Variants in IQGAP1 observed in about 807,000 individuals in gnomAD.
IQGAP1 encodes the protein ras GTPase-activating-like protein IQGAP1.
A neutral mutation model predicts 215.6 loss-of-function variants in IQGAP1; 66 were observed. The observed-to-expected ratio is 0.31, with a 90% CI of 0.25 to 0.38. The LOEUF (loss-of-function observed/expected upper bound fraction) is 0.38. Ranked by LOEUF, IQGAP1 falls within the 10% of genes least tolerant of loss-of-function variation. The pLI, the probability that IQGAP1 is intolerant of heterozygous loss-of-function variation, is 1.00. For synonymous variants in IQGAP1, 772 were observed against 728.7 expected (o/e 1.06, Z -0.96); for missense variants, 1,712 against 1,997.1 (o/e 0.86, Z 2.72).
intron 15 of IQGAP1, among the ~76,000 whole-genome samples, chr15:90,463,056 G>A (rs1017261045): frequency 1.5e-5 from 2 of 130,068 alleles, no homozygotes; most frequent in African/African-American, 5.6e-5. Flanking sequence ...TTCTTACACT[G>A]GGATGAGGTG....
chr15:90,491,626 G>A (rs1966206159), intron 34 of IQGAP1, 81 bp downstream of exon 34: 1 of 1,130,930 alleles, frequency 8.8e-7, no homozygotes. Flanking sequence ...TCACATAACA[G>A]CATAGCTTCA....
rs2151006648 is a variant in IQGAP1 at position 90,409,803 on chromosome 15, A to G, written c.156-16307A>G. Among the ~76,000 whole-genome samples the G allele has an allele frequency of 2.0e-5, 3 of 152,266 alleles. No individual in the cohort carries two copies. The East Asian group carries it at 5.8e-4, about 29-fold the overall frequency. ...GTTCCTATTTCTCCACATCCTCTCCAGCACCTGTTGTTTCCTGACTTTTTA... is the reference window on the plus strand; with the variant it reads ...GTTCCTATTTCTCCACATCCTCTCCGGCACCTGTTGTTTCCTGACTTTTTA... On this transcript the variant is annotated intron_variant, in intron 2 of 37. Transcript: ENST00000268182.
In IQGAP1 at chr15:90,494,752, C is replaced by G; in HGVS notation, c.4668C>G (p.Ser1556Arg). 6.2e-7 allele frequency: 1 copy of G among 1,608,546 alleles called. No individual in the cohort carries two copies. ...CTAGGGAAATGAAAGGAAAGAAAAG[C>G]AAAAAGATTTCTCTGAAATATACAG... ...KKPREMKGKK[S>R]KKISLKYTAA... is the part of the protein sequence containing the mutation. Residue 1556 changes from serine (S) to arginine (R), a missense_variant, in exon 36 of 38, where the codon AGC (serine) becomes AGG (arginine). Physicochemically the swap from Ser to Arg is moderately radical, Grantham distance 110. This residue lies in a region of IQGAP1 where 691 missense variants were observed against 923.0 expected (regional missense o/e 0.75). Coordinates refer to ENST00000268182, the MANE Select transcript of IQGAP1 (RefSeq NM_003870.4).
At chr15:90,439,240 T>C in intron 5 of IQGAP1, 92 bp from the exon 6 acceptor site, 1 of 845,626 alleles carries the variant, frequency 1.2e-6, no homozygotes, top group Non-Finnish European at 2.0e-6. Context: ...TCAGAATACT[T>C]CTATTTTATA....
chr15:90,444,285 ATATAT>A (rs1239487159), intron 9 of IQGAP1, among the ~76,000 whole-genome samples: 6 of 101,284 alleles, frequency 5.9e-5, no homozygotes, highest in African/African-American at 3.0e-4. Flanking sequence ...GTGTGTATAT[ATATAT>A]TTTTTTTTTT....
chr15:90,467,925 C>G (rs1470128752), intron 18 of IQGAP1, among the ~76,000 whole-genome samples: 2 of 152,166 alleles, frequency 1.3e-5, no homozygotes, highest in Non-Finnish European at 2.9e-5. Flanking sequence ...TCTAACTGTT[C>G]CACAAATTAT....
chr15:90,458,302 TTTTA>T (rs551083617), intron 15 of IQGAP1, among the ~76,000 whole-genome samples: 12 of 152,216 alleles, frequency 7.9e-5, no homozygotes, highest in Non-Finnish European at 1.5e-4. Context: ...CTTTACCACA[TTTTA>T]TTTATCCATT....
At chr15:90,433,833 A>C in intron 5 of IQGAP1, 38 bp downstream of exon 5, 1 of 1,235,810 alleles carries the variant, frequency 8.1e-7, no homozygotes, top group Non-Finnish European at 1.2e-6. Context: ...GAAATTATGA[A>C]TAACATCTGA....
rs1323324255 is a variant in IQGAP1, at chr15:90,426,144, C to A, written c.190C>A (p.Pro64Thr). The change falls in exon 3 of 38, where the codon CCC (proline) becomes ACC (threonine). Residue 64 changes from proline (P) to threonine (T), a missense_variant. Transcript: ENST00000268182. The part of the protein sequence containing the change: ...MEACLGEDLP[P>T]TTELEEGLRN... Reference sequence around the variant, plus strand: ...AGCATGCCTAGGGGAAGATCTGCCTCCCACCACAGAACTGGAGGAGGGGCT... The same window carrying A: ...AGCATGCCTAGGGGAAGATCTGCCTACCACCACAGAACTGGAGGAGGGGCT... 1 of 1,605,654 alleles carries A rather than the reference C, an allele frequency of 6.2e-7. No individual in the cohort carries two copies. Among genetic ancestry groups the A allele is most frequent in the South Asian group, 1.1e-5 (1 of 90,266 alleles).
chr15:90,390,825 G>A lies in IQGAP1; in HGVS notation c.107G>A (p.Arg36His), dbSNP rs570821440. Residue 36 changes from arginine (R) to histidine (H), a missense_variant, in exon 2 of 38, where the codon CGT (arginine) becomes CAT (histidine). Arg to His is a conservative substitution (Grantham distance 29). Around this residue, in one of 2 missense-constraint regions of IQGAP1, gnomAD observed 1,021 missense variants for 1,074.2 expected, o/e 0.95. Transcript: ENST00000268182. ...LTAEEMDERR[R>H]QNVAYEYLCH... ...GCAGAGGAGATGGATGAAAGGAGAC[G>A]TCAGAACGTGGCTTATGAGTACCTT... 6 of 1,613,314 alleles carry A rather than the reference G, an allele frequency of 3.7e-6. No homozygotes were observed. Among genetic ancestry groups the A allele is most frequent in the Middle Eastern group, 1.7e-4 (1 of 6,054 alleles).
At position 90,474,111 on chromosome 15, in the gene IQGAP1, T is replaced by C. The variant is rs762737346; in HGVS notation, c.2553T>C (p.Ala851=). 3 of 1,613,204 alleles carry C rather than the reference T, an allele frequency of 1.9e-6. No individual in the cohort carries two copies. The change falls in exon 22 of 38, where the codon GCT becomes GCC. Residue 851 remains alanine (A), a synonymous_variant. Coordinates refer to ENST00000268182, the MANE Select transcript of IQGAP1 (RefSeq NM_003870.4). ...AGGCTTTTATTCGGGCAAACAAAGC[T>C]CGGGATGACTACAAGACTCTCAGTG... ...KIQAFIRANK[A]RDDYKTLINA...
At chr15:90,486,199 C>A in intron 31 of IQGAP1, 67 bp downstream of exon 31, 2 of 1,078,952 alleles carry the variant, frequency 1.9e-6, no homozygotes, top group South Asian at 1.3e-5. Context: ...TAATTGTCAC[C>A]TCCTCTATTT....
intron 23 of IQGAP1, 132 bp downstream of exon 23, chr15:90,474,825 T>C (rs1001463160): frequency 7.1e-5 from 47 of 659,452 alleles, no homozygotes; most frequent in Non-Finnish European, 1.1e-4. Flanking sequence ...GCTTTTTTTT[T>C]TTCTTTTGAC....
rs372882637 is a variant in IQGAP1, at chr15:90,492,537, T to C, written c.4462-8T>C. On this transcript the variant is annotated splice_region_variant and splice_polypyrimidine_tract_variant and intron_variant, in intron 34 of 37. Coordinates refer to ENST00000268182, the MANE Select transcript of IQGAP1 (RefSeq NM_003870.4). ...GTTATTTTTCTAACTTTAATAATTA[T>C]GTCTCAGGATATTCGGAATCAGCGG... is the stretch of plus-strand genomic sequence containing the variant. 2.5e-6 allele frequency: 4 copies of C among 1,590,786 alleles called. No individual in the cohort carries two copies. The highest frequency in any genetic ancestry group is 3.4e-6 in the Non-Finnish European group (4 of 1,171,336).
intron 33 of IQGAP1, among the ~76,000 whole-genome samples, chr15:90,488,437 T>A (rs1209244255): frequency 6.6e-6 from 1 of 152,132 alleles, no homozygotes. Flanking sequence ...CAGGGTTGGT[T>A]GAAACCATGA....
chr15:90,421,179 T>C (rs1965130097), intron 2 of IQGAP1, among the ~76,000 whole-genome samples: 1 of 150,640 alleles, frequency 6.6e-6, no homozygotes, highest in South Asian at 2.1e-4. Flanking sequence ...AAGCTAAATT[T>C]ATAAAAAAGC....
Position 90,482,085 on chromosome 15 carries a change from C to G in IQGAP1, c.3455C>G (p.Ser1152Cys). The G allele has an allele frequency of 1.2e-6, 2 of 1,614,246 alleles. No individual in the cohort carries two copies. The highest frequency in any genetic ancestry group is 1.6e-4 in the Middle Eastern group (1 of 6,062). ...TDKFLSAIVS[S>C]VDKIPYGMRF... ...AAGTTTCTCTCAGCCATTGTCAGCT[C>G]TGTGGACAAAATCCCGTGAGTGCCA... Residue 1152 changes from serine to cysteine, a missense_variant, in exon 27 of 38, where the codon TCT (serine) becomes TGT (cysteine). Ser to Cys is a moderately radical substitution (Grantham distance 112, BLOSUM62 -1). This residue lies in a region of IQGAP1 where 691 missense variants were observed against 923.0 expected (regional missense o/e 0.75). Coordinates refer to ENST00000268182, the MANE Select transcript of IQGAP1 (RefSeq NM_003870.4).
chr15:90,487,431 TC>T lies in IQGAP1; in HGVS notation c.4161-63del, dbSNP rs1376786862. On this transcript the variant is annotated intron_variant, in intron 32 of 37. Transcript: ENST00000268182. ...TTGTGCTGCTGCTGCTGCTGCTGCT[TC>T]GGTCCACTTGAGAGGAACTAGAACA... The T allele has an allele frequency of 1.0e-5, 12 of 1,163,546 alleles. No homozygotes were observed. In the Admixed American group the frequency reaches 1.1e-4, roughly 10 times the overall value. The allele number at this position is 1,163,546 out of a possible 1,614,324, so 72.1% of individuals were successfully genotyped here. A position where few individuals can be genotyped will look rare whatever the true frequency, so the allele number is the denominator to read the frequency against.
chr15:90,424,147 A>G (rs148769092), intron 2 of IQGAP1, among the ~76,000 whole-genome samples: 35 of 152,162 alleles, frequency 2.3e-4, no homozygotes, highest in Admixed American at 5.9e-4. Flanking sequence ...TGGAGTTGCC[A>G]GTAGTTGTTT....
Sources: gnomAD v4.1 joint callset for allele counts (sites outside exome capture counted in the v4.1 genomes callset) on GRCh38, gnomAD v4.1.1 for gene constraint, gnomAD v4.1.1 regional missense constraint, MANE v1.5 for transcripts, NCBI Gene and HGNC (gene_info 2026-07-23, HGNC 2026-07-21) for gene names.